BMPR2: variants seen among roughly 807,000 people sequenced by gnomAD.
BMPR2 encodes the protein bone morphogenetic protein receptor type 2, also known as bone morphogenetic protein receptor type-2.
BMPR2 carries 29 observed loss-of-function variants against 100.8 expected under a neutral mutation model. The observed-to-expected ratio is 0.29, with a 90% CI of 0.21 to 0.39. The LOEUF is 0.39. Among genes scored for constraint, BMPR2 ranks in the 10% least tolerant of loss-of-function variants. The pLI, the probability that BMPR2 is intolerant of heterozygous loss-of-function variation, is 1.00. For synonymous variants in BMPR2, 382 were observed against 442.3 expected (o/e 0.86, Z 1.71); for missense variants, 1,011 against 1,274.5 (o/e 0.79, Z 3.15).
chr2:202,419,015 C>A (rs1024417412), intron 1 of BMPR2, among the ~76,000 whole-genome samples: 2 of 152,026 alleles, frequency 1.3e-5, no homozygotes, highest in Non-Finnish European at 2.9e-5. Context: ...TCAGGTAAGC[C>A]ACATTATGTA....
At chr2:202,413,609 CATCT>C (rs1451752397) in intron 1 of BMPR2, among the ~76,000 whole-genome samples, 2 of 152,030 alleles carry the variant, frequency 1.3e-5, no homozygotes, top group South Asian at 2.1e-4. Context: ...GTGTGATACC[CATCT>C]ATCTAATATA....
At chr2:202,486,534 C>T (rs971072499) in intron 3 of BMPR2, among the ~76,000 whole-genome samples, 2 of 147,586 alleles carry the variant, frequency 1.4e-5, no homozygotes, top group Non-Finnish European at 3.0e-5. Flanking sequence ...CAGGCGGCTA[C>T]AGCACAAGAA....
At chr2:202,538,856 G>A (rs995431794) in intron 9 of BMPR2, among the ~76,000 whole-genome samples, 2 of 151,086 alleles carry the variant, frequency 1.3e-5, no homozygotes, top group Admixed American at 1.3e-4. Flanking sequence ...AGTTAATCCT[G>A]GAGACTGTTC....
intron 4 of BMPR2, 107 bp downstream of exon 4, chr2:202,513,936 G>A: frequency 1.2e-6 from 1 of 853,676 alleles, no homozygotes; most frequent in Non-Finnish European, 1.9e-6. Flanking sequence ...TCAAAGTTAT[G>A]CAAAATACAC....
chr2:202,490,692 G>A (rs1357354503), intron 3 of BMPR2, among the ~76,000 whole-genome samples: 1 of 152,174 alleles, frequency 6.6e-6, no homozygotes, highest in Non-Finnish European at 1.5e-5. Flanking sequence ...TCTGAGACAG[G>A]TTTGCAGACA....
At position 202,484,968 on chromosome 2, in the gene BMPR2, CAAAAAAAAA is replaced by C. The variant is rs747890922; in HGVS notation, c.418+17291_418+17299del. ...TGGGCGACAGAGTGAGACTCCGTCT[CAAAAAAAAA>C]AAAAAAAAAAAGAAAGAAAGAAGAA... On this transcript the variant is annotated intron_variant, in intron 3 of 12. Coordinates refer to ENST00000374580, the MANE Select transcript of BMPR2 (RefSeq NM_001204.7). 4.5e-4 allele frequency among the ~76,000 whole-genome samples: 27 copies of C among 59,866 alleles called. 1 individual carries two copies. The highest frequency in any genetic ancestry group is 3.4e-3 in the East Asian group (6 of 1,772). The allele number at this position is 59,866 out of a possible 152,430, so 39.3% of individuals were successfully genotyped here. A position where few individuals can be genotyped will look rare whatever the true frequency, so the allele number is the denominator to read the frequency against.
chr2:202,472,870 A>C (rs185014032), intron 3 of BMPR2, among the ~76,000 whole-genome samples: 9 of 152,278 alleles, frequency 5.9e-5, no homozygotes, highest in Non-Finnish European at 1.3e-4. Flanking sequence ...GGAAGCATTA[A>C]CTCAATTTAT....
intron 1 of BMPR2, among the ~76,000 whole-genome samples, chr2:202,391,872 C>T (rs1315703625): frequency 6.6e-6 from 1 of 151,910 alleles, no homozygotes; most frequent in African/African-American, 2.4e-5. Context: ...AGCGATTCTC[C>T]TACCTCAACC....
At chr2:202,377,612 C>T in intron 1 of BMPR2, 62 bp downstream of exon 1, 3 of 1,578,400 alleles carry the variant, frequency 1.9e-6, no homozygotes, top group Non-Finnish European at 1.7e-6. Context: ...GGAGGGAGCC[C>T]GCAGAGGCCG....
rs1193572042 is a variant in BMPR2 at position 202,380,870 on chromosome 2, C to T, written c.76+3320C>T. On this transcript the variant is annotated intron_variant, in intron 1 of 12. Transcript: ENST00000374580. ...CTGATCTCAGGTGATCTGCCCGCCT[C>T]GGCCTCCCAAAATGCTGGGATTATA... is the stretch of plus-strand genomic sequence containing the variant. 8.6e-5 allele frequency among the ~76,000 whole-genome samples: 13 copies of T among 151,600 alleles called. No homozygotes were observed. The East Asian group carries it at 1.9e-3, about 23-fold the overall frequency.
At chr2:202,424,489 A>C (rs1691342535) in intron 1 of BMPR2, among the ~76,000 whole-genome samples, 1 of 151,900 alleles carries the variant, frequency 6.6e-6, no homozygotes, top group Non-Finnish European at 1.5e-5. Flanking sequence ...CGAGGCCAGG[A>C]GTTCGAGACC....
intron 1 of BMPR2, among the ~76,000 whole-genome samples, chr2:202,403,351 T>A (rs912620932): frequency 6.6e-6 from 1 of 151,822 alleles, no homozygotes; most frequent in Non-Finnish European, 1.5e-5. Context: ...AGTTGCGCAC[T>A]GCCACGCCTG....
intron 1 of BMPR2, among the ~76,000 whole-genome samples, chr2:202,412,278 C>T (rs923886244): frequency 6.6e-6 from 1 of 152,056 alleles, no homozygotes; most frequent in Non-Finnish European, 1.5e-5. Flanking sequence ...AGAAACAAAA[C>T]GAAATCACCA....
chr2:202,399,181 C>G (rs879692533), intron 1 of BMPR2, among the ~76,000 whole-genome samples: 1 of 151,946 alleles, frequency 6.6e-6, no homozygotes, highest in African/African-American at 2.4e-5. Flanking sequence ...GGAACAAGAT[C>G]ATTAGAGATT....
intron 3 of BMPR2, among the ~76,000 whole-genome samples, chr2:202,508,936 A>G (rs1423714562): frequency 6.6e-6 from 1 of 152,222 alleles, no homozygotes; most frequent in Non-Finnish European, 1.5e-5. Context: ...GTTTTTAATG[A>G]CACATAAGGT....
chr2:202,393,882 C>CGAGAGAGAGAGAGAGAGAGAGAGAGAGA (rs56708616), intron 1 of BMPR2, among the ~76,000 whole-genome samples: 3 of 97,928 alleles, frequency 3.1e-5, no homozygotes, highest in Non-Finnish European at 4.1e-5. Flanking sequence ...AATGAGAGAG[C>CGAGAGAGAGAGAGAGAGAGAGAGAGAGA]GAGAGAGAGA....
Position 202,555,537 on chromosome 2 carries a change from T to C in BMPR2, c.1872T>C (p.Thr624=), listed in dbSNP as rs1184373327. The C allele has an allele frequency of 1.2e-6, 2 of 1,614,178 alleles. No homozygotes were observed. The highest frequency in any genetic ancestry group is 2.2e-5 in the East Asian group (1 of 44,886). Residue 624 remains threonine (T), a synonymous_variant, in exon 12 of 13, where the codon ACT becomes ACC. Transcript: ENST00000374580. Reference sequence around the variant, plus strand: ...ACACCACAGGACTCACGCCAAGTACTGGCATGACTACTATATCTGAGATGC... The same window carrying C: ...ACACCACAGGACTCACGCCAAGTACCGGCATGACTACTATATCTGAGATGC... ...TTNTTGLTPS[T]GMTTISEMPY... is the part of the protein sequence containing the mutation.
intron 1 of BMPR2, among the ~76,000 whole-genome samples, chr2:202,462,488 G>T (rs1411163085): frequency 6.6e-6 from 1 of 152,118 alleles, no homozygotes; most frequent in East Asian, 1.9e-4. Flanking sequence ...CAAAGTGCTG[G>T]GATTACAGGC....
In BMPR2 at chr2:202,565,361, ATT is replaced by A. The variant is rs1688743724; in HGVS notation, c.*5418_*5419del. ...TTTATATTTAAGAATATAGAATTATATTTTCTTTTATATTCAAATTCATTACT... is the reference window on the plus strand; with the variant it reads ...TTTATATTTAAGAATATAGAATTATATTCTTTTATATTCAAATTCATTACT... On this transcript the variant is annotated 3_prime_UTR_variant, in exon 13 of 13. Transcript: ENST00000374580. 6.6e-6 allele frequency: 1 copy of A among 152,090 alleles called. No individual in the cohort carries two copies. The highest frequency in any genetic ancestry group is 2.4e-5 in the African/African-American group (1 of 41,426). The allele number at this position is 152,090 out of a possible 1,614,324, so 9.4% of individuals were successfully genotyped here. A position where few individuals can be genotyped will look rare whatever the true frequency, so the allele number is the denominator to read the frequency against.
Sources: allele counts gnomAD v4.1 joint callset (sites outside exome capture counted in the v4.1 genomes callset), GRCh38; gene constraint gnomAD v4.1.1; transcripts MANE v1.5; gene names NCBI Gene and HGNC (gene_info 2026-07-23, HGNC 2026-07-21).